Variants in TLK1 observed in about 807,000 individuals in gnomAD.
TLK1 encodes tousled like kinase 1, also known as serine/threonine-protein kinase tousled-like 1.
TLK1 carries 24 observed loss-of-function variants against 105.3 expected under a neutral mutation model. That is an observed-to-expected ratio of 0.23 (90% CI 0.17 to 0.32). The LOEUF is 0.32. Ranked by LOEUF, TLK1 falls within the 10% of genes least tolerant of loss-of-function variation. TLK1 has a pLI of 1.00. For synonymous variants in TLK1, 321 were observed against 310.4 expected, an observed-to-expected ratio of 1.03 and a Z score of -0.36; for missense variants, 558 against 910.5, an observed-to-expected ratio of 0.61 and a Z score of 4.98.
At chr2:171,018,162 T>C (rs555484431) in intron 12 of TLK1, among the ~76,000 whole-genome samples, 17 of 152,138 alleles carry the variant, frequency 1.1e-4, no homozygotes, top group Non-Finnish European at 2.2e-4. Context: ...AGTGGCCTTA[T>C]GAGAAGAAAG....
At chr2:171,063,600 TG>T (rs1368600366) in intron 3 of TLK1, among the ~76,000 whole-genome samples, 2 of 152,168 alleles carry the variant, frequency 1.3e-5, no homozygotes, top group Non-Finnish European at 2.9e-5. Flanking sequence ...CTGAAACAGT[TG>T]TATTGGAAAC....
intron 2 of TLK1, among the ~76,000 whole-genome samples, chr2:171,108,503 CAAT>C (rs1242749280): frequency 1.3e-5 from 2 of 151,876 alleles, no homozygotes; most frequent in Admixed American, 6.6e-5. Flanking sequence ...CAGAAAATAA[CAAT>C]AATTACAAAA....
At chr2:171,073,795 G>A (rs1400312275) in intron 3 of TLK1, among the ~76,000 whole-genome samples, 1 of 151,442 alleles carries the variant, frequency 6.6e-6, no homozygotes, top group African/African-American at 2.4e-5. Context: ...GTAATTTCAG[G>A]TGTTTCACAG....
intron 2 of TLK1, chr2:171,091,586 T>C (rs1167207676): frequency 6.6e-6 from 1 of 152,228 alleles, no homozygotes; most frequent in Non-Finnish European, 1.5e-5. Context: ...AGGAGGGTCC[T>C]TCTCCCATAC....
At position 171,059,915 on chromosome 2, in the gene TLK1, G is replaced by C. The variant is rs2555919; in HGVS notation, c.406+1166C>G. The C allele has an allele frequency of 0.011, 14,747 of 1,362,072 alleles. 713 individuals are homozygous for C. The African/African-American group carries it at 0.14, about 13-fold the overall frequency. 84.4% of individuals were successfully genotyped at this position (1,362,072 alleles called of 1,614,324 possible). On this transcript the variant is annotated intron_variant, in intron 4 of 20. Transcript: ENST00000431350. ...CTTAGGCGGTAATGCTCACTGGCCC[G>C]CTGCTCACCTCCTGCTGTACGACCC...
chr2:171,094,101 G>A (rs761025679), intron 2 of TLK1, among the ~76,000 whole-genome samples: 1 of 152,080 alleles, frequency 6.6e-6, no homozygotes, highest in East Asian at 1.9e-4. Context: ...GAGAAATTAC[G>A]GTCAGAGCAG....
intron 3 of TLK1, among the ~76,000 whole-genome samples, chr2:171,065,975 T>C (rs1293066915): frequency 2.0e-5 from 3 of 152,226 alleles, no homozygotes; most frequent in Non-Finnish European, 4.4e-5. Context: ...AGGCAAAACT[T>C]GTTGAACTAG....
chr2:171,001,170 TGAC>T (rs1394580956), intron 18 of TLK1, among the ~76,000 whole-genome samples: 2 of 152,242 alleles, frequency 1.3e-5, no homozygotes, highest in Non-Finnish European at 2.9e-5. Flanking sequence ...AAAACAATGA[TGAC>T]ATCTTCAGTG....
intron 1 of TLK1, among the ~76,000 whole-genome samples, chr2:171,145,596 AAAAAAAC>A (rs976687041): frequency 4.0e-5 from 6 of 151,648 alleles, no homozygotes; most frequent in African/African-American, 9.7e-5. Context: ...TCTCAAAAAA[AAAAAAAC>A]AAAAAACAAA....
chr2:171,045,998 C>A, intron 11 of TLK1, 176 bp downstream of exon 11: 1 of 508,918 alleles, frequency 2.0e-6, no homozygotes, highest in Non-Finnish European at 3.3e-6. Context: ...CTGCTTAAAA[C>A]GGTAGAATTC....
chr2:171,199,407 G>GGAA lies in TLK1; in HGVS notation c.-6+31735_-6+31737dup, dbSNP rs1693355275. Among the ~76,000 whole-genome samples the GGAA allele has an allele frequency of 9.9e-5, 15 of 152,210 alleles. No homozygotes were observed. The South Asian group carries it at 3.1e-3, about 32-fold the overall frequency. On this transcript the variant is annotated intron_variant, in intron 1 of 20. Transcript: ENST00000521943. The stretch of plus-strand genomic sequence containing the variant: ...GCACCTGTAATCCCAGCACTTTTGG[G>GGAA]GAAGCTGAGGCAAGAGGATCACCTA...
chr2:171,003,603 C>T (rs552557554), intron 18 of TLK1, among the ~76,000 whole-genome samples: 35 of 152,182 alleles, frequency 2.3e-4, no homozygotes, highest in African/African-American at 8.2e-4. Flanking sequence ...CTGCGATAGG[C>T]CTTTTACTGG....
At chr2:171,149,536 C>T (rs185847474) in intron 1 of TLK1, among the ~76,000 whole-genome samples, 2 of 152,206 alleles carry the variant, frequency 1.3e-5, no homozygotes, top group Admixed American at 1.3e-4. Context: ...GTAGGAGACA[C>T]TGGGAAGAAA....
intron 3 of TLK1, among the ~76,000 whole-genome samples, chr2:171,075,817 T>C (rs886177114): frequency 2.0e-5 from 3 of 152,174 alleles, no homozygotes; most frequent in Admixed American, 6.5e-5. Context: ...ACTTAGCATC[T>C]TGGGCTTAGG....
In TLK1 at chr2:170,997,699, G is replaced by T. The variant is rs183280229; in HGVS notation, c.2016+13C>A. On this transcript the variant is annotated intron_variant, in intron 19 of 20. Coordinates refer to ENST00000431350, the MANE Select transcript of TLK1 (RefSeq NM_012290.5). The stretch of plus-strand genomic sequence containing the variant: ...ATCTCTGTAGAGCTGAAGGCTGGTA[G>T]AATTCAATTTACCTTTCTACCATAA... 58 of 1,538,456 alleles carry T rather than the reference G, an allele frequency of 3.8e-5. No individual in the cohort carries two copies. In the African/African-American group the frequency reaches 6.5e-4, roughly 17 times the overall value.
chr2:171,209,345 T>G (rs544069424), intron 1 of TLK1, among the ~76,000 whole-genome samples: 13 of 152,304 alleles, frequency 8.5e-5, no homozygotes, highest in African/African-American at 3.1e-4. Flanking sequence ...ATTCAAAAAA[T>G]TAAGTTTAAG....
intron 11 of TLK1, among the ~76,000 whole-genome samples, chr2:171,039,035 C>CTA (rs1171705925): frequency 6.6e-6 from 1 of 151,988 alleles, no homozygotes; most frequent in African/African-American, 2.4e-5. Context: ...TTATAGCTTC[C>CTA]TAGTGATTTC....
At chr2:171,067,602 T>C (rs553048317) in intron 3 of TLK1, among the ~76,000 whole-genome samples, 19 of 150,658 alleles carry the variant, frequency 1.3e-4, no homozygotes, top group African/African-American at 4.3e-4. Context: ...TTTTTCTCTA[T>C]ACCAATACAA....
chr2:171,049,301 A>C (rs997393125), intron 10 of TLK1, among the ~76,000 whole-genome samples: 4 of 152,090 alleles, frequency 2.6e-5, no homozygotes, highest in African/African-American at 9.7e-5. Context: ...AAAATAAATA[A>C]ATAATAAATA....
Sources: gnomAD v4.1 joint callset for allele counts (sites outside exome capture counted in the v4.1 genomes callset) on GRCh38, gnomAD v4.1.1 for gene constraint, MANE v1.5 for transcripts, NCBI Gene and HGNC (gene_info 2026-07-23, HGNC 2026-07-21) for gene names.